Variants in PDLIM7 observed in about 807,000 individuals in gnomAD.
PDLIM7 encodes PDZ and LIM domain 7, also known as PDZ and LIM domain protein 7.
Under a neutral mutation model 53.9 loss-of-function variants are expected in PDLIM7, and 37 were observed. That is an observed-to-expected ratio of 0.69 (90% CI 0.53 to 0.90). The LOEUF is 0.90. Ranked by LOEUF, PDLIM7 falls within the 40% of genes least tolerant of loss-of-function variation. The pLI is 0.00. For missense variants in PDLIM7, 617 were observed against 638.5 expected (o/e 0.97, Z 0.36); for synonymous variants, 300 against 261.3 (o/e 1.15, Z -1.43).
intron 2 of PDLIM7, among the ~76,000 whole-genome samples, chr5:177,495,813 G>A (rs1759043753): frequency 6.6e-6 from 1 of 151,962 alleles, no homozygotes; most frequent in East Asian, 1.9e-4. Flanking sequence ...ACTTCTGCTT[G>A]GGGTCAAAGG....
At chr5:177,490,419 G>A in intron 7 of PDLIM7, 2 of 1,508,488 alleles carry the variant, frequency 1.3e-6, no homozygotes, top group South Asian at 2.5e-5. Flanking sequence ...GCAGAAGCTG[G>A]AGGCACTAAG....
chr5:177,485,459 AGACCTT>A (rs1758393159), intron 10 of PDLIM7, among the ~76,000 whole-genome samples: 1 of 152,230 alleles, frequency 6.6e-6, no homozygotes, highest in Admixed American at 6.5e-5. Flanking sequence ...GGGTCTGGCC[AGACCTT>A]GACCTTCTCA....
intron 2 of PDLIM7, chr5:177,492,886 GCTTA>G (rs146911021): frequency 0.042 from 24,580 of 583,740 alleles, 708 homozygotes; most frequent in Non-Finnish European, 0.055. Context: ...CAGTCACACT[GCTTA>G]TTTATTCACT....
At chr5:177,487,557 C>A (rs1165215442) in intron 10 of PDLIM7, among the ~76,000 whole-genome samples, 3 of 152,364 alleles carry the variant, frequency 2.0e-5, no homozygotes, top group Non-Finnish European at 4.4e-5. Context: ...CTGGGTCCAC[C>A]AGATCAGTCC....
chr5:177,490,517 CGTGGGCAG>C lies in PDLIM7; in HGVS notation c.572+345_572+352del, dbSNP rs756430058. 9.0e-6 allele frequency: 14 copies of C among 1,562,742 alleles called. No individual in the cohort carries two copies. In the South Asian group the frequency reaches 1.6e-4, roughly 18 times the overall value. Reference sequence around the variant, plus strand: ...CCGGGCTACGACTGCACGTTGAGCACGTGGGCAGAGCGCTGGTGGTGCCAGTCCCGGAG... The same window carrying C: ...CCGGGCTACGACTGCACGTTGAGCACAGCGCTGGTGGTGCCAGTCCCGGAG... On this transcript the variant is annotated intron_variant, in intron 7 of 12. Coordinates refer to ENST00000355841, the MANE Select transcript of PDLIM7 (RefSeq NM_005451.5).
chr5:177,493,547 C>T (rs1055192949), intron 2 of PDLIM7, among the ~76,000 whole-genome samples: 3 of 152,206 alleles, frequency 2.0e-5, no homozygotes, highest in African/African-American at 7.2e-5. Flanking sequence ...AGTTCACTTA[C>T]GATGGCTTTG....
chr5:177,483,914 G>A lies in PDLIM7; in HGVS notation c.1240C>T (p.Leu414=). 6.2e-7 allele frequency: 1 copy of A among 1,613,876 alleles called. No individual in the cohort carries two copies. The part of the protein sequence containing the change: ...DFKIDAGDRF[L]EALGFSWHDT... ...TGCCAGCTGAAGCCCAGGGCCTCCA[G>A]GAAGCGGTCCCCAGCGTCGATCTTG... Residue 414 remains leucine (L), a synonymous_variant, in exon 12 of 13, where the codon CTG becomes TTG. Coordinates refer to ENST00000355841, the MANE Select transcript of PDLIM7 (RefSeq NM_005451.5).
chr5:177,483,671 G>A lies in PDLIM7; in HGVS notation c.1347C>T (p.Cys449=). The part of the protein sequence containing the change: ...TFYSKKDRPL[C]KSHAFSHV The stretch of plus-strand genomic sequence containing the variant: ...ACACATGAGAGAAGGCATGGCTCTT[G>A]CAGAGAGGCCTGTCCTTCTTGGAGT... The change falls in exon 13 of 13, where the codon TGC becomes TGT. Residue 449 remains cysteine, a synonymous_variant. Coordinates refer to ENST00000355841, the MANE Select transcript of PDLIM7 (RefSeq NM_005451.5). 7.4e-6 allele frequency: 12 copies of A among 1,612,624 alleles called. No homozygotes were observed. Among genetic ancestry groups the A allele is most frequent in the Non-Finnish European group, 1.0e-5 (12 of 1,178,750 alleles).
chr5:177,496,908 A>C (rs1420142968), intron 1 of PDLIM7: 1 of 158,612 alleles, frequency 6.3e-6, no homozygotes, highest in Non-Finnish European at 1.4e-5. Context: ...AGGTCCCGGC[A>C]GGCAGGCCGC....
chr5:177,490,982 G>C (rs958298578), intron 6 of PDLIM7, 28 bp downstream of exon 6: 15 of 1,613,720 alleles, frequency 9.3e-6, no homozygotes, highest in Non-Finnish European at 1.3e-5. Flanking sequence ...GGCGAGGAAA[G>C]TACCCCCTGC....
intron 10 of PDLIM7, 56 bp downstream of exon 10, chr5:177,488,012 C>T (rs1758549028): frequency 6.6e-7 from 1 of 1,515,616 alleles, no homozygotes; most frequent in South Asian, 1.3e-5. Context: ...TTCCCAGCAG[C>T]CCTCGTTCCC....
Position 177,483,588 on chromosome 5 carries a change from A to G in PDLIM7, c.*56T>C. The G allele has an allele frequency of 7.6e-7, 1 of 1,316,710 alleles. No homozygotes were observed. Among genetic ancestry groups the G allele is most frequent in the African/African-American group, 1.5e-5 (1 of 68,466 alleles). 81.6% of individuals were successfully genotyped at this position (1,316,710 alleles called of 1,614,324 possible). The stretch of plus-strand genomic sequence containing the variant: ...CAGCCCTACCCAGAAATGCAGGGCC[A>G]CGACTCCAGGCCCCTCAGGCTAGGG... On this transcript the variant is annotated 3_prime_UTR_variant, in exon 13 of 13. Transcript: ENST00000355841.
At chr5:177,489,019 A>C (rs1347183843) in intron 9 of PDLIM7, among the ~76,000 whole-genome samples, 2 of 152,108 alleles carry the variant, frequency 1.3e-5, no homozygotes, top group Non-Finnish European at 2.9e-5. Context: ...CAGTGCACAG[A>C]GGGAGTGGCT....
intron 1 of PDLIM7, chr5:177,496,805 G>A (rs527615644): frequency 3.4e-5 from 8 of 238,234 alleles, no homozygotes; most frequent in East Asian, 3.3e-4. Flanking sequence ...GGGGTGGGCC[G>A]AGGGACTAAA....
chr5:177,486,939 T>A (rs1758492744), intron 10 of PDLIM7, among the ~76,000 whole-genome samples: 1 of 69,860 alleles, frequency 1.4e-5, no homozygotes. Context: ...CCCTTTTTTT[T>A]TTTTTTTTTT....
In PDLIM7 at chr5:177,490,761, G is replaced by GGAAC. The variant is rs1247185530; in HGVS notation, c.572+108_572+109insGTTC. On this transcript the variant is annotated intron_variant, in intron 7 of 12. Coordinates refer to ENST00000355841, the MANE Select transcript of PDLIM7 (RefSeq NM_005451.5). ...AGGAAGGAAGGAAGGAAGGAAGGAA[G>GGAAC]GAAGGGAGAATTGAGAGCCCCAGCT... 3 of 979,508 alleles carry GGAAC rather than the reference G, an allele frequency of 3.1e-6. No homozygotes were observed. In the African/African-American group the frequency reaches 4.9e-5, roughly 16 times the overall value. 60.7% of individuals were successfully genotyped at this position (979,508 alleles called of 1,614,324 possible).
At chr5:177,490,724 AG>A (rs1758717580) in intron 7 of PDLIM7, 145 bp downstream of exon 7, 1 of 465,592 alleles carries the variant, frequency 2.1e-6, no homozygotes, top group Non-Finnish European at 4.0e-6. Flanking sequence ...GAAGGAAGGA[AG>A]GAAGGAAGGA....
intron 2 of PDLIM7, chr5:177,495,161 G>A (rs1238591676): frequency 1.3e-5 from 2 of 152,428 alleles, no homozygotes; most frequent in Non-Finnish European, 2.9e-5. Context: ...GCTGTGTGAG[G>A]GCTATGTAGT....
chr5:177,486,434 C>T (rs1166033187), intron 10 of PDLIM7, among the ~76,000 whole-genome samples: 1 of 152,156 alleles, frequency 6.6e-6, no homozygotes, highest in Non-Finnish European at 1.5e-5. Context: ...GAGCAACTAG[C>T]CCCTGCTCAC....
Sources: allele counts gnomAD v4.1 joint callset (sites outside exome capture counted in the v4.1 genomes callset), GRCh38; gene constraint gnomAD v4.1.1; transcripts MANE v1.5; gene names NCBI Gene and HGNC (gene_info 2026-07-23, HGNC 2026-07-21).